DCT: variants seen among roughly 807,000 people sequenced by gnomAD.
DCT encodes the protein dopachrome tautomerase.
A neutral mutation model predicts 53.0 loss-of-function variants in DCT; 47 were observed. That is an observed-to-expected ratio of 0.89 (90% confidence interval 0.70 to 1.13). The LOEUF is 1.13. DCT is among the 50% of genes most tolerant of loss of function. DCT has a pLI of 0.00. For synonymous variants in DCT, 244 were observed against 237.0 expected (o/e 1.03, Z -0.27); for missense variants, 669 against 637.4 (o/e 1.05, Z -0.53).
chr13:94,465,968 TTATATATATATATATATATATATA>T (rs3044355), intron 3 of DCT, among the ~76,000 whole-genome samples, 169 bp from the exon 4 acceptor site: 14,311 of 77,796 alleles, frequency 0.18, 1,648 homozygotes, highest in Admixed American at 0.22. Flanking sequence ...TGTGTATATT[TTATATATATATATATATATATATA>T]TATATATATA....
At chr13:94,546,510 G>C in the DCT span, among the ~76,000 whole-genome samples, 3 of 152,066 alleles carry the variant, frequency 2.0e-5, no homozygotes, top group African/African-American at 7.2e-5. The surrounding 1 kb of genome is among the most constrained non-coding windows in gnomAD (Gnocchi z 4.2). Context: ...TACTAACCAG[G>C]TGTGCGCCTC....
the DCT span, among the ~76,000 whole-genome samples, chr13:94,507,760 A>G: frequency 4.6e-5 from 7 of 152,274 alleles, no homozygotes; most frequent in South Asian, 1.4e-3. Context: ...TCGGCCTCCC[A>G]AAGTGCTGGG....
In DCT at chr13:94,467,428, G is replaced by A. The variant is rs553586600; in HGVS notation, c.596-770C>T. 5.3e-5 allele frequency: 8 copies of A among 152,282 alleles called. No homozygotes were observed. In the East Asian group the frequency reaches 9.7e-4, roughly 18 times the overall value. 9.4% of individuals were successfully genotyped at this position (152,282 alleles called of 1,614,324 possible). ...AACAACTTCAGAGAGCTGAACAGACGTGAATATAAATTTAATTCGTAGCTA... is the reference window on the plus strand; with the variant it reads ...AACAACTTCAGAGAGCTGAACAGACATGAATATAAATTTAATTCGTAGCTA... On this transcript the variant is annotated intron_variant, in intron 2 of 7. Transcript: ENST00000377028.
chr13:94,454,701 A>C (rs1883299541), intron 6 of DCT, among the ~76,000 whole-genome samples: 1 of 152,210 alleles, frequency 6.6e-6, no homozygotes, highest in Non-Finnish European at 1.5e-5. Flanking sequence ...TATTTGCATG[A>C]ATTGCCTCAT....
At chr13:94,460,047 T>C in intron 6 of DCT, 44 bp downstream of exon 6, 3 of 1,584,142 alleles carry the variant, frequency 1.9e-6, no homozygotes, top group South Asian at 1.1e-5. Context: ...AAATCTGACA[T>C]ATTATCTAGA....
At chr13:94,475,700 AAAAC>A (rs958761885) in intron 1 of DCT, among the ~76,000 whole-genome samples, 9 of 152,196 alleles carry the variant, frequency 5.9e-5, no homozygotes, top group Non-Finnish European at 1.0e-4. Flanking sequence ...AAAATAAACA[AAAAC>A]AAAGAACCAC....
chr13:94,532,572 T>C, the DCT span, among the ~76,000 whole-genome samples: 1 of 152,082 alleles, frequency 6.6e-6, no homozygotes, highest in South Asian at 2.1e-4. Context: ...CACTCATAGG[T>C]GGGAGTTGAA....
At chr13:94,443,747 T>C in intron 6 of DCT, 110 bp from the exon 7 acceptor site, 1 of 854,152 alleles carries the variant, frequency 1.2e-6, no homozygotes, top group Non-Finnish European at 1.9e-6. Flanking sequence ...CATAGGAACT[T>C]CTGTATACCC....
intron 1 of DCT, among the ~76,000 whole-genome samples, chr13:94,472,568 ATTTTTTTTTTTT>A (rs869190962): frequency 6.6e-5 from 1 of 15,044 alleles, no homozygotes; most frequent in African/African-American, 3.7e-4. Flanking sequence ...ATATATATAT[ATTTTTTTTTTTT>A]TTTTTTTTTT....
chr13:94,501,291 A>G, the DCT span, among the ~76,000 whole-genome samples: 1 of 152,072 alleles, frequency 6.6e-6, no homozygotes, highest in African/African-American at 2.4e-5. Context: ...AAATTAATTA[A>G]TTAAAAATAA....
At chr13:94,544,999 T>C in the DCT span, among the ~76,000 whole-genome samples, 2 of 152,230 alleles carry the variant, frequency 1.3e-5, no homozygotes, top group East Asian at 3.9e-4. Flanking sequence ...CTGAAAGCAT[T>C]CCTTCTCTAA....
chr13:94,494,725 T>A, the DCT span, among the ~76,000 whole-genome samples: 12 of 152,354 alleles, frequency 7.9e-5, no homozygotes, highest in East Asian at 1.9e-3. Flanking sequence ...AATTAATCAC[T>A]ACTCCTTCAC....
intron 6 of DCT, among the ~76,000 whole-genome samples, chr13:94,451,353 G>A (rs540909889): frequency 1.1e-4 from 16 of 152,250 alleles, no homozygotes; most frequent in Non-Finnish European, 2.2e-4. Flanking sequence ...ATGATCTAAC[G>A]GGACTTAATT....
intron 7 of DCT, among the ~76,000 whole-genome samples, chr13:94,441,356 T>A (rs574553225): frequency 6.6e-6 from 1 of 152,368 alleles, no homozygotes; most frequent in South Asian, 2.1e-4. Flanking sequence ...GAAATTGTTG[T>A]AACATATATG....
At chr13:94,474,298 A>G (rs1427003047) in intron 1 of DCT, among the ~76,000 whole-genome samples, 1 of 152,226 alleles carries the variant, frequency 6.6e-6, no homozygotes. Context: ...ACATTCCTAC[A>G]TGAACTGCAT....
At chr13:94,462,279 A>C (rs1027774721) in intron 4 of DCT, 90 bp from the exon 5 acceptor site, 1 of 987,572 alleles carries the variant, frequency 1.0e-6, no homozygotes, top group Non-Finnish European at 1.6e-6. Flanking sequence ...AGGTTGAGGC[A>C]GGTGGATCCC....
At chr13:94,478,259 C>A (rs1011085963) in intron 1 of DCT, among the ~76,000 whole-genome samples, 3 of 148,428 alleles carry the variant, frequency 2.0e-5, no homozygotes, top group Non-Finnish European at 4.4e-5. Context: ...GAAACATGCA[C>A]CCTGCTGAGG....
the DCT span, among the ~76,000 whole-genome samples, chr13:94,485,257 G>A: frequency 9.2e-5 from 14 of 152,268 alleles, no homozygotes; most frequent in African/African-American, 3.1e-4. Flanking sequence ...TTCTCAAATG[G>A]ATTCATGACC....
chr13:94,512,361 T>C, the DCT span, among the ~76,000 whole-genome samples: 2 of 152,030 alleles, frequency 1.3e-5, no homozygotes, highest in Admixed American at 1.3e-4. Flanking sequence ...TCTAAAGAAA[T>C]TGGAAATATC....
Sources: allele counts gnomAD v4.1 joint callset (sites outside exome capture counted in the v4.1 genomes callset), GRCh38; gene constraint gnomAD v4.1.1; non-coding constraint Gnocchi (gnomAD v3.1); transcripts MANE v1.5; gene names NCBI Gene and HGNC (gene_info 2026-07-23, HGNC 2026-07-21).